The following SKP2 variants were observed in gnomAD, a reference collection of about 807,000 sequenced individuals.
SKP2 encodes S-phase kinase associated protein 2, also known as S-phase kinase-associated protein 2.
A neutral mutation model predicts 51.8 loss-of-function variants in SKP2; 16 were observed. The observed-to-expected ratio is 0.31, with a 90% CI of 0.21 to 0.47. The LOEUF (loss-of-function observed/expected upper bound fraction) is 0.47. Ranked by LOEUF, SKP2 falls within the 20% of genes least tolerant of loss-of-function variation. The pLI is 1.00. For synonymous variants in SKP2, 176 were observed against 198.6 expected (o/e 0.89, Z 0.96); for missense variants, 377 against 505.3 (o/e 0.75, Z 2.43).
intron 2 of SKP2, among the ~76,000 whole-genome samples, chr5:36,162,164 G>A (rs1400578641): frequency 6.6e-6 from 1 of 152,084 alleles, no homozygotes; most frequent in African/African-American, 2.4e-5. Context: ...TCTTCTAGTG[G>A]TGCCTCATAG....
At chr5:36,189,507 T>C (rs1745986120) in intron 6 of SKP2, among the ~76,000 whole-genome samples, 1 of 152,170 alleles carries the variant, frequency 6.6e-6, no homozygotes, top group Non-Finnish European at 1.5e-5. Context: ...TTTGCCTGGG[T>C]ATCAGCAGCG....
At chr5:36,187,499 G>T (rs1745967381), downstream of SKP2, among the ~76,000 whole-genome samples, 1 of 152,202 alleles carries the variant, frequency 6.6e-6, no homozygotes, top group Non-Finnish European at 1.5e-5. Context: ...GTACCCAGTA[G>T]TCATTCAGGA....
chr5:36,168,088 A>C (rs1002473242), intron 4 of SKP2, among the ~76,000 whole-genome samples: 1 of 152,226 alleles, frequency 6.6e-6, no homozygotes, highest in Non-Finnish European at 1.5e-5. Context: ...CTATATTGGC[A>C]GCAACATCTG....
chr5:36,170,587 T>A (rs1745439010), intron 6 of SKP2, 145 bp downstream of exon 6: 1 of 536,598 alleles, frequency 1.9e-6, no homozygotes, highest in Non-Finnish European at 3.3e-6. Flanking sequence ...TTTGCCCTCC[T>A]AACTTTCTGT....
At chr5:36,173,787 T>G (rs1220856912) in intron 7 of SKP2, among the ~76,000 whole-genome samples, 1 of 152,038 alleles carries the variant, frequency 6.6e-6, no homozygotes, top group East Asian at 1.9e-4. Flanking sequence ...GGATAAAAAG[T>G]TTTTAATGTC....
intron 6 of SKP2, 39 bp downstream of exon 6, chr5:36,170,481 C>T (rs764506246): frequency 1.6e-6 from 2 of 1,216,932 alleles, no homozygotes; most frequent in Non-Finnish European, 1.2e-6. Context: ...ACTCTTATGT[C>T]AAACGTAAAA....
chr5:36,162,222 A>G (rs1056869238), intron 2 of SKP2, among the ~76,000 whole-genome samples: 49 of 150,574 alleles, frequency 3.3e-4, no homozygotes, highest in African/African-American at 1.2e-3. Flanking sequence ...GGAAGCCTGC[A>G]TGACCTGGCT....
intron 2 of SKP2, among the ~76,000 whole-genome samples, chr5:36,155,376 T>TG (rs1744913025): frequency 6.6e-6 from 1 of 152,216 alleles, no homozygotes; most frequent in African/African-American, 2.4e-5. Context: ...TCCTCATTCT[T>TG]GCGTTTATCA....
In SKP2 at chr5:36,182,084, A is replaced by G. The variant is rs1745829594; in HGVS notation, c.*53A>G. ...CTTTAGAACAGGGAAAATAGGCAGG[A>G]AGCCCAATTGCTGGAGTACTTAGCT... On this transcript the variant is annotated 3_prime_UTR_variant, in exon 10 of 10. Transcript: ENST00000274255. 6.3e-7 allele frequency: 1 copy of G among 1,591,576 alleles called. No individual in the cohort carries two copies. Among genetic ancestry groups the G allele is most frequent in the Non-Finnish European group, 8.6e-7 (1 of 1,166,942 alleles).
chr5:36,188,596 T>G (rs971156957), downstream of SKP2, among the ~76,000 whole-genome samples: 1 of 152,208 alleles, frequency 6.6e-6, no homozygotes, highest in South Asian at 2.1e-4. Flanking sequence ...TGCCGAGAAA[T>G]CCACTGTTAG....
At chr5:36,169,767 T>G (rs1745409384) in intron 5 of SKP2, among the ~76,000 whole-genome samples, 1 of 152,206 alleles carries the variant, frequency 6.6e-6, no homozygotes, top group African/African-American at 2.4e-5. Context: ...TTTTTATAGT[T>G]GTGGAAACTG....
intron 5 of SKP2, among the ~76,000 whole-genome samples, chr5:36,168,963 C>G (rs1745381496): frequency 2.0e-5 from 3 of 152,176 alleles, no homozygotes; most frequent in Admixed American, 2.0e-4. Flanking sequence ...TAGGAGATCT[C>G]TAGGTAATAA....
intron 3 of SKP2, among the ~76,000 whole-genome samples, chr5:36,164,898 C>A (rs1255516676): frequency 6.6e-6 from 1 of 152,162 alleles, no homozygotes; most frequent in Admixed American, 6.5e-5. Context: ...CACATAGTTA[C>A]CTATTTTTTG....
chr5:36,175,088 G>T (rs921860528), intron 7 of SKP2, among the ~76,000 whole-genome samples: 2 of 152,130 alleles, frequency 1.3e-5, no homozygotes, highest in African/African-American at 4.8e-5. Flanking sequence ...GTATGAAGCA[G>T]GGAGACCAGT....
At chr5:36,158,720 AG>A (rs1745030406) in intron 2 of SKP2, among the ~76,000 whole-genome samples, 1 of 152,220 alleles carries the variant, frequency 6.6e-6, no homozygotes, top group South Asian at 2.1e-4. Context: ...AGAACCCACT[AG>A]GATGGAAAGG....
chr5:36,186,175 A>G (rs1462750500), downstream of SKP2, among the ~76,000 whole-genome samples: 2 of 152,206 alleles, frequency 1.3e-5, no homozygotes, highest in Non-Finnish European at 2.9e-5. Context: ...GGTTTTCTAA[A>G]TATACAATCA....
rs1744795614 is a variant in SKP2, at chr5:36,152,946, C to A, written c.184C>A (p.Pro62Thr). The A allele has an allele frequency of 1.2e-6, 2 of 1,614,068 alleles. No individual in the cohort carries two copies. The highest frequency in any genetic ancestry group is 2.2e-5 in the East Asian group (1 of 44,874). ...PQELLSNLGH[P>T]ESPPRKRLKS... ...GGAACTGCTCTCAAACCTGGGCCACCCGGAGAGCCCCCCACGGAAACGGCT... is the reference window on the plus strand; with the variant it reads ...GGAACTGCTCTCAAACCTGGGCCACACGGAGAGCCCCCCACGGAAACGGCT... The change falls in exon 2 of 10, where the codon CCG (proline) becomes ACG (threonine). Residue 62 changes from proline (P) to threonine (T), a missense_variant. Around this residue, in one of 2 missense-constraint regions of SKP2, gnomAD observed 115 missense variants for 115.5 expected, o/e 1.00. Coordinates refer to ENST00000274255, the MANE Select transcript of SKP2 (RefSeq NM_005983.4).
chr5:36,166,725 C>CTT (rs3086385), intron 4 of SKP2, 63 bp downstream of exon 4: 69,956 of 889,044 alleles, frequency 0.079, 3 homozygotes, highest in Non-Finnish European at 0.094. Context: ...CAGATCAAAG[C>CTT]TTTTTTTTTT....
rs768542867 is a variant in SKP2 at position 36,153,057 on chromosome 5, G to T, written c.280+15G>T. The T allele has an allele frequency of 6.2e-7, 1 of 1,607,672 alleles. No homozygotes were observed. The highest frequency in any genetic ancestry group is 1.7e-5 in the Admixed American group (1 of 59,698). On this transcript the variant is annotated intron_variant, in intron 2 of 9. Coordinates refer to ENST00000274255, the MANE Select transcript of SKP2 (RefSeq NM_005983.4). ...GAACTTTCCAGGTAAGGACATGAGGGTAAAAATGTCAGTTATGCAAAGGGT... is the reference window on the plus strand; with the variant it reads ...GAACTTTCCAGGTAAGGACATGAGGTTAAAAATGTCAGTTATGCAAAGGGT...
Sources: gnomAD v4.1 joint callset for allele counts (sites outside exome capture counted in the v4.1 genomes callset) on GRCh38, gnomAD v4.1.1 for gene constraint, gnomAD v4.1.1 regional missense constraint, MANE v1.5 for transcripts, NCBI Gene and HGNC (gene_info 2026-07-23, HGNC 2026-07-21) for gene names.